Variants in CCSER1 observed in about 807,000 individuals in gnomAD.
CCSER1 encodes coiled-coil serine rich protein 1.
In CCSER1, 41 loss-of-function variants were observed where a neutral mutation model predicts 82.0. The ratio of observed to expected loss-of-function variants is 0.50; its 90% CI spans 0.39 to 0.65. CCSER1 has a LOEUF of 0.65. CCSER1 is among the 30% of genes least tolerant of loss of function. CCSER1 has a pLI of 0.00. For synonymous variants in CCSER1, 414 were observed against 383.9 expected, an observed-to-expected ratio of 1.08 and a Z score of -0.92; for missense variants, 1,119 against 1,064.2, an observed-to-expected ratio of 1.05 and a Z score of -0.72.
At chr4:90,887,608 G>GCTGTTAAAAAAC (rs1331076351) in intron 8 of CCSER1, among the ~76,000 whole-genome samples, 1 of 152,150 alleles carries the variant, frequency 6.6e-6, no homozygotes, top group Non-Finnish European at 1.5e-5. Context: ...CACTGGCCAG[G>GCTGTTAAAAAAC]CACGTTGGCT....
At chr4:91,069,170 AT>A (rs1397739234) in intron 9 of CCSER1, among the ~76,000 whole-genome samples, 7 of 152,094 alleles carry the variant, frequency 4.6e-5, no homozygotes, top group Non-Finnish European at 7.4e-5. Context: ...CTCAAAAAAA[AT>A]AAATAAAAAA....
intron 3 of CCSER1, 93 bp from the exon 4 acceptor site, chr4:90,399,943 G>T: frequency 1.6e-6 from 1 of 606,084 alleles, no homozygotes; most frequent in Non-Finnish European, 2.9e-6. Context: ...TTCTGATTTG[G>T]AATTCATTTT....
chr4:91,001,926 T>G (rs182540886), intron 9 of CCSER1, among the ~76,000 whole-genome samples: 2 of 152,322 alleles, frequency 1.3e-5, no homozygotes, highest in Non-Finnish European at 2.9e-5. Flanking sequence ...AGAGCTCCTT[T>G]TAGCAGTTCT....
chr4:91,249,919 G>A (rs1388191752), intron 10 of CCSER1, among the ~76,000 whole-genome samples: 7 of 150,224 alleles, frequency 4.7e-5, no homozygotes, highest in Admixed American at 4.6e-4. Flanking sequence ...AAGTGTTCTG[G>A]GGGGAAAGAA....
At chr4:90,829,426 A>C (rs188350822) in intron 8 of CCSER1, among the ~76,000 whole-genome samples, 1 of 152,200 alleles carries the variant, frequency 6.6e-6, no homozygotes, top group African/African-American at 2.4e-5. Flanking sequence ...CATAAGTACA[A>C]ATGAAAGAGT....
At chr4:90,522,793 A>G (rs979878778) in intron 5 of CCSER1, among the ~76,000 whole-genome samples, 1 of 152,166 alleles carries the variant, frequency 6.6e-6, no homozygotes, top group African/African-American at 2.4e-5. Context: ...CCTTAATAAG[A>G]AAATATTTTT....
chr4:90,906,997 A>G (rs1725580940), intron 8 of CCSER1, among the ~76,000 whole-genome samples: 1 of 152,174 alleles, frequency 6.6e-6, no homozygotes, highest in Admixed American at 6.6e-5. Context: ...TAGAAAATTC[A>G]GACAAATTGA....
Position 90,895,345 on chromosome 4 carries a change from A to G in CCSER1, c.2095-28025A>G, listed in dbSNP as rs1013318881. 1.3e-4 allele frequency among the ~76,000 whole-genome samples: 20 copies of G among 152,068 alleles called. No individual in the cohort carries two copies. The East Asian group carries it at 3.9e-3, about 29-fold the overall frequency. Reference sequence around the variant, plus strand: ...TGCCTCTAGGTAGGCATATATTTTTATCAGCAAAATATTTGATGATTGGCT... The same window carrying G: ...TGCCTCTAGGTAGGCATATATTTTTGTCAGCAAAATATTTGATGATTGGCT... On this transcript the variant is annotated intron_variant, in intron 8 of 10. Coordinates refer to ENST00000509176, the MANE Select transcript of CCSER1 (RefSeq NM_001145065.2).
intron 9 of CCSER1, among the ~76,000 whole-genome samples, chr4:91,053,606 G>C (rs1479596809): frequency 6.6e-6 from 1 of 151,996 alleles, no homozygotes; most frequent in Admixed American, 6.6e-5. Context: ...TCATGCTTGG[G>C]AATTTATCAA....
chr4:90,745,865 T>A (rs988045079), intron 7 of CCSER1, among the ~76,000 whole-genome samples: 18 of 142,528 alleles, frequency 1.3e-4, no homozygotes, highest in African/African-American at 3.5e-4. Flanking sequence ...AAATTTTTTT[T>A]AATTTTTTTT....
chr4:91,231,122 CAT>C (rs1164040397), intron 10 of CCSER1, among the ~76,000 whole-genome samples: 2 of 151,778 alleles, frequency 1.3e-5, no homozygotes, highest in African/African-American at 4.8e-5. Context: ...ATTAAAAACA[CAT>C]ATTCATAAAT....
At chr4:90,860,131 T>TA (rs1224508084) in intron 8 of CCSER1, among the ~76,000 whole-genome samples, 2 of 151,664 alleles carry the variant, frequency 1.3e-5, no homozygotes, top group East Asian at 3.9e-4. Flanking sequence ...CCAGAATACA[T>TA]AAAAAATTTG....
At chr4:91,567,590 A>T (rs1395806797) in intron 10 of CCSER1, among the ~76,000 whole-genome samples, 2 of 152,116 alleles carry the variant, frequency 1.3e-5, no homozygotes, top group Non-Finnish European at 2.9e-5. Flanking sequence ...TATTTAATAT[A>T]GTTAGGTCTT....
In CCSER1 at chr4:90,750,001, A is replaced by G. The variant is rs546523451; in HGVS notation, c.2010+26010A>G. Among the ~76,000 whole-genome samples the G allele has an allele frequency of 3.9e-5, 6 of 152,096 alleles. No homozygotes were observed. In the South Asian group the frequency reaches 1.0e-3, roughly 26 times the overall value. The stretch of plus-strand genomic sequence containing the variant: ...TTGCCATTCTAACTGGTGTGAGATG[A>G]TATCTCATTGTGGTGTTGATTTGTA... On this transcript the variant is annotated intron_variant, in intron 7 of 10. Coordinates refer to ENST00000509176, the MANE Select transcript of CCSER1 (RefSeq NM_001145065.2).
intron 10 of CCSER1, among the ~76,000 whole-genome samples, chr4:91,593,067 T>A (rs530414085): frequency 0.028 from 4,266 of 152,288 alleles, no homozygotes; most frequent in African/African-American, 0.095. Context: ...CCATAAATTC[T>A]ATCATCACAT....
At chr4:91,072,150 A>G (rs1721503352) in intron 9 of CCSER1, among the ~76,000 whole-genome samples, 1 of 152,160 alleles carries the variant, frequency 6.6e-6, no homozygotes. Context: ...AACTTATGCA[A>G]TGTACCAAGA....
chr4:90,731,934 G>A (rs1744811638), intron 7 of CCSER1, among the ~76,000 whole-genome samples: 1 of 151,898 alleles, frequency 6.6e-6, no homozygotes, highest in Non-Finnish European at 1.5e-5. Context: ...TTGAGAATGG[G>A]GTCATCTGAA....
At chr4:90,747,949 A>G (rs1236910404) in intron 7 of CCSER1, among the ~76,000 whole-genome samples, 2 of 151,366 alleles carry the variant, frequency 1.3e-5, no homozygotes, top group Admixed American at 1.3e-4. Flanking sequence ...GATGATTTCC[A>G]ATTTCATCCA....
chr4:90,663,838 C>T (rs1275098097), intron 6 of CCSER1: 8 of 350,748 alleles, frequency 2.3e-5, no homozygotes, highest in Admixed American at 2.0e-4. Flanking sequence ...GTTATTGTTA[C>T]TTATAGGTTC....
Sources: gnomAD v4.1 joint callset for allele counts (sites outside exome capture counted in the v4.1 genomes callset) on GRCh38, gnomAD v4.1.1 for gene constraint, MANE v1.5 for transcripts, NCBI Gene and HGNC (gene_info 2026-07-23, HGNC 2026-07-21) for gene names.